Variants in ADAM10 observed in about 807,000 individuals in gnomAD.
The protein encoded by ADAM10 is disintegrin and metalloproteinase domain-containing protein 10.
A neutral mutation model predicts 90.1 loss-of-function variants in ADAM10; 17 were observed. That is an observed-to-expected ratio of 0.19 (90% confidence interval 0.13 to 0.28). ADAM10 has a LOEUF of 0.28. Ranked by LOEUF, ADAM10 falls within the 10% of genes least tolerant of loss-of-function variation. The pLI is 1.00. For missense variants in ADAM10, 610 were observed against 914.3 expected (o/e 0.67, Z 4.29); for synonymous variants, 310 against 298.6 (o/e 1.04, Z -0.40).
intron 1 of ADAM10, among the ~76,000 whole-genome samples, chr15:58,740,649 C>T (rs1400801759): frequency 7.2e-5 from 11 of 152,150 alleles, no homozygotes; most frequent in African/African-American, 2.7e-4. Context: ...AACTAATCCT[C>T]CGAGCTTAGC....
At chr15:58,693,884 C>G (rs1897898667) in intron 2 of ADAM10, among the ~76,000 whole-genome samples, 1 of 151,536 alleles carries the variant, frequency 6.6e-6, no homozygotes, top group South Asian at 2.1e-4. Context: ...AATAAGACAA[C>G]CATTGAAAGA....
intron 10 of ADAM10, among the ~76,000 whole-genome samples, chr15:58,623,663 G>A (rs1380152494): frequency 6.6e-6 from 1 of 152,120 alleles, no homozygotes; most frequent in Non-Finnish European, 1.5e-5. Context: ...GTCCTTTGCA[G>A]GGACATGGAT....
chr15:58,688,769 T>TATATATATATATATATATA, intron 2 of ADAM10, among the ~76,000 whole-genome samples: 1 of 121,836 alleles, frequency 8.2e-6, no homozygotes, highest in African/African-American at 3.9e-5. Context: ...AAAAAAATTA[T>TATATATATATATATATATA]ATATATATAT....
chr15:58,666,671 C>CA (rs201189417), intron 4 of ADAM10, among the ~76,000 whole-genome samples: 167 of 149,444 alleles, frequency 1.1e-3, no homozygotes, highest in Non-Finnish European at 1.6e-3. Flanking sequence ...TATAGGGGAA[C>CA]AAAAAAAAAC....
chr15:58,724,275 A>G (rs1450386739), intron 1 of ADAM10, among the ~76,000 whole-genome samples: 2 of 152,220 alleles, frequency 1.3e-5, no homozygotes, highest in South Asian at 2.1e-4. Flanking sequence ...TTCATTTTAA[A>G]TATTTAAGGG....
In ADAM10 at chr15:58,592,533, T is replaced by A. The variant is rs1302949742; in HGVS notation, c.*5014A>T. ...TGTTTCCTAGGTTCTTCTTGTACATTTCTTTCTTACAGGTGGAATTAGTGA... is the reference window on the plus strand; with the variant it reads ...TGTTTCCTAGGTTCTTCTTGTACATATCTTTCTTACAGGTGGAATTAGTGA... On this transcript the variant is annotated 3_prime_UTR_variant, in exon 16 of 16. Coordinates refer to ENST00000260408, the MANE Select transcript of ADAM10 (RefSeq NM_001110.4). The A allele has an allele frequency of 6.6e-6, 1 of 152,182 alleles. No homozygotes were observed. The highest frequency in any genetic ancestry group is 1.5e-5 in the Non-Finnish European group (1 of 68,030). 9.4% of individuals were successfully genotyped at this position (152,182 alleles called of 1,614,324 possible).
At chr15:58,749,039 G>T (rs1595678137) in intron 1 of ADAM10, 1 of 399,072 alleles carries the variant, frequency 2.5e-6, no homozygotes, top group Non-Finnish European at 4.4e-6. Flanking sequence ...GGCAGGGGCT[G>T]GGGGAGGAAT....
chr15:58,749,101 C>A, intron 1 of ADAM10: 1 of 398,138 alleles, frequency 2.5e-6, no homozygotes, highest in Non-Finnish European at 4.4e-6. Context: ...AGCCTCGCTG[C>A]GGCTGCCTGC....
At chr15:58,644,305 C>T (rs555765462) in intron 6 of ADAM10, among the ~76,000 whole-genome samples, 1 of 151,518 alleles carries the variant, frequency 6.6e-6, no homozygotes, top group South Asian at 2.1e-4. Context: ...TCTCGGCTCA[C>T]TGCAACCTCT....
At chr15:58,622,806 T>C (rs776175365) in intron 10 of ADAM10, among the ~76,000 whole-genome samples, 3 of 152,158 alleles carry the variant, frequency 2.0e-5, no homozygotes, top group Non-Finnish European at 2.9e-5. Flanking sequence ...CTTTGTAAGA[T>C]CATAAAATCA....
intron 9 of ADAM10, 108 bp from the exon 10 acceptor site, chr15:58,627,991 T>C: frequency 1.8e-6 from 2 of 1,118,384 alleles, no homozygotes; most frequent in Non-Finnish European, 2.6e-6. Flanking sequence ...GCTTGTGGAC[T>C]CTCCTTTAAA....
intron 6 of ADAM10, 109 bp downstream of exon 6, chr15:58,645,944 AAC>A (rs2140695628): frequency 8.4e-7 from 1 of 1,186,448 alleles, no homozygotes; most frequent in East Asian, 2.4e-5. Flanking sequence ...CACAACTGAA[AAC>A]ACATACTTTT....
At chr15:58,686,385 G>A (rs1272672578) in intron 2 of ADAM10, 4 of 909,674 alleles carry the variant, frequency 4.4e-6, no homozygotes, top group Non-Finnish European at 7.0e-6. Context: ...AACAAGGCTG[G>A]GCCCTCGGAG....
In ADAM10 at chr15:58,627,870, G is replaced by A; in HGVS notation, c.1190C>T (p.Thr397Ile). The A allele has an allele frequency of 6.2e-7, 1 of 1,613,390 alleles. No individual in the cohort carries two copies. Among genetic ancestry groups the A allele is most frequent in the East Asian group, 2.2e-5 (1 of 44,804 alleles). Residue 397 changes from threonine (T) to isoleucine (I), a missense_variant, in exon 10 of 16, where the codon ACA becomes ATA. Physicochemically the swap from Thr to Ile is moderately conservative, Grantham distance 89. Around this residue, in one of 4 missense-constraint regions of ADAM10, gnomAD observed 97 missense variants for 221.4 expected, o/e 0.44. Coordinates refer to ENST00000260408, the MANE Select transcript of ADAM10 (RefSeq NM_001110.4). ...CTTAGATTCTCCTGGTGTGCACTCT[G>A]TTCCAGAATCATGCTGTCAAAAAGA... Reference protein sequence around the residue: ...HNFGSPHDSGTECTPGESKNL... With the variant: ...HNFGSPHDSGIECTPGESKNL...
chr15:58,717,777 T>C (rs1898712687), intron 1 of ADAM10, 50 bp from the exon 2 acceptor site: 2 of 1,584,008 alleles, frequency 1.3e-6, no homozygotes, highest in East Asian at 2.3e-5. Flanking sequence ...GAAGACCCCT[T>C]CTAGTTCTAA....
intron 1 of ADAM10, among the ~76,000 whole-genome samples, chr15:58,742,228 T>C (rs892020439): frequency 6.6e-6 from 1 of 152,232 alleles, no homozygotes; most frequent in African/African-American, 2.4e-5. Flanking sequence ...CATTGTTTAC[T>C]TGCAGTAGTA....
At chr15:58,636,965 G>C (rs1037977019) in intron 8 of ADAM10, among the ~76,000 whole-genome samples, 2 of 152,170 alleles carry the variant, frequency 1.3e-5, no homozygotes, top group African/African-American at 2.4e-5. Flanking sequence ...ACATGCAATG[G>C]GTAGGGATCA....
At chr15:58,727,392 T>C (rs553316002) in intron 1 of ADAM10, among the ~76,000 whole-genome samples, 3 of 152,208 alleles carry the variant, frequency 2.0e-5, no homozygotes, top group Admixed American at 6.5e-5. Context: ...GGTTTTGCCA[T>C]GTTGGCCAGG....
At chr15:58,619,619 T>G (rs926448738) in intron 11 of ADAM10, among the ~76,000 whole-genome samples, 4 of 151,980 alleles carry the variant, frequency 2.6e-5, no homozygotes, top group African/African-American at 9.7e-5. Flanking sequence ...AAAAATGGAA[T>G]AGGGGCCGGG....
Sources: allele counts gnomAD v4.1 joint callset (sites outside exome capture counted in the v4.1 genomes callset), GRCh38; gene constraint gnomAD v4.1.1; regional missense constraint gnomAD v4.1.1; transcripts MANE v1.5; gene names NCBI Gene and HGNC (gene_info 2026-07-23, HGNC 2026-07-21).